The following THSD4 variants were observed in gnomAD, a reference collection of about 807,000 sequenced individuals.
THSD4 encodes thrombospondin type 1 domain containing 4, also known as thrombospondin type-1 domain-containing protein 4.
THSD4 carries 69 observed loss-of-function variants against 119.0 expected under a neutral mutation model. That is an observed-to-expected ratio of 0.58 (90% CI 0.48 to 0.71). THSD4 has a LOEUF of 0.71. Ranked by LOEUF, THSD4 falls within the 30% of genes least tolerant of loss-of-function variation. The pLI, the probability that THSD4 is intolerant of heterozygous loss-of-function variation, is 0.00. For missense variants in THSD4, 1,393 were observed against 1,391.1 expected, an observed-to-expected ratio of 1.00 and a Z score of -0.02; for synonymous variants, 524 against 540.4, an observed-to-expected ratio of 0.97 and a Z score of 0.42.
At chr15:71,542,506 A>G (rs1239831360) in intron 7 of THSD4, among the ~76,000 whole-genome samples, 1 of 152,192 alleles carries the variant, frequency 6.6e-6, no homozygotes, top group Non-Finnish European at 1.5e-5. Context: ...CGAATGTGAT[A>G]AGAAGGGCAT....
chr15:71,336,008 G>A (rs1473607), intron 6 of THSD4, among the ~76,000 whole-genome samples: 34,607 of 152,092 alleles, frequency 0.23, 4,856 homozygotes, highest in African/African-American at 0.4. Context: ...ATGAAAAAAA[G>A]AATCTCAATC....
chr15:71,605,794 A>G (rs1023324742), intron 7 of THSD4, among the ~76,000 whole-genome samples: 5 of 152,230 alleles, frequency 3.3e-5, no homozygotes, highest in African/African-American at 1.2e-4. Context: ...GTAGTATTCA[A>G]TGCCAAGAGG....
chr15:71,678,039 G>T (rs907452066), intron 8 of THSD4, among the ~76,000 whole-genome samples: 1 of 152,154 alleles, frequency 6.6e-6, no homozygotes, highest in African/African-American at 2.4e-5. Context: ...GCTGTTAATC[G>T]CTCCCAGGTC....
chr15:71,424,146 C>T (rs561022133), intron 7 of THSD4, among the ~76,000 whole-genome samples: 1 of 152,120 alleles, frequency 6.6e-6, no homozygotes, highest in Non-Finnish European at 1.5e-5. Context: ...TATGTGATCG[C>T]CCACCTGATT....
intron 1 of THSD4, among the ~76,000 whole-genome samples, chr15:71,124,447 C>T (rs74021934): frequency 0.029 from 4,396 of 152,238 alleles, 222 homozygotes; most frequent in African/African-American, 0.1. Flanking sequence ...TAGACGCTTA[C>T]AATATTTGAA....
intron 17 of THSD4, among the ~76,000 whole-genome samples, chr15:71,772,586 T>G (rs190426231): frequency 1.4e-4 from 21 of 152,168 alleles, no homozygotes; most frequent in African/African-American, 4.6e-4. Flanking sequence ...TTGGAACATA[T>G]TATAAAGCTA....
chr15:71,731,021 C>T (rs2052967266), intron 9 of THSD4, 100 bp from the exon 10 acceptor site: 3 of 1,118,232 alleles, frequency 2.7e-6, no homozygotes, highest in Non-Finnish European at 4.0e-6. Context: ...CTAGAGTGAA[C>T]CAACCCAGTC....
At chr15:71,460,031 C>G (rs150971261) in intron 7 of THSD4, among the ~76,000 whole-genome samples, 167 of 152,272 alleles carry the variant, frequency 1.1e-3, no homozygotes, top group African/African-American at 3.6e-3. Flanking sequence ...TCTGGCCACA[C>G]TAATGTCTAT....
At chr15:71,758,278 A>G (rs1567139071) in intron 15 of THSD4, among the ~76,000 whole-genome samples, 1 of 152,232 alleles carries the variant, frequency 6.6e-6, no homozygotes, top group Non-Finnish European at 1.5e-5. Context: ...CGGTGTGCTC[A>G]TCTAAGTACT....
intron 6 of THSD4, among the ~76,000 whole-genome samples, chr15:71,340,983 T>A (rs942130232): frequency 3.9e-5 from 6 of 152,164 alleles, no homozygotes; most frequent in Non-Finnish European, 8.8e-5. Flanking sequence ...CTACAGTTCC[T>A]GGGGTAGATG....
intron 11 of THSD4, among the ~76,000 whole-genome samples, chr15:71,739,508 C>T (rs1159423433): frequency 6.6e-6 from 1 of 152,118 alleles, no homozygotes; most frequent in East Asian, 1.9e-4. Context: ...AGTTAAGATA[C>T]ATGTGGAATG....
chr15:71,370,152 G>T (rs1377315200), intron 6 of THSD4, among the ~76,000 whole-genome samples: 4 of 151,930 alleles, frequency 2.6e-5, no homozygotes, highest in African/African-American at 9.7e-5. Context: ...TTTTCATTGT[G>T]TCTATTTGAT....
At chr15:71,554,487 C>G (rs367883744) in intron 7 of THSD4, among the ~76,000 whole-genome samples, 2 of 152,166 alleles carry the variant, frequency 1.3e-5, no homozygotes, top group Admixed American at 1.3e-4. Flanking sequence ...CTCCCAGGCT[C>G]AAGTAATCCT....
chr15:71,389,827 T>TTTTTTTTTTTTTTTG (rs56316633), intron 6 of THSD4, among the ~76,000 whole-genome samples: 5 of 142,914 alleles, frequency 3.5e-5, no homozygotes, highest in African/African-American at 1.3e-4. Flanking sequence ...TTTTTTTTTT[T>TTTTTTTTTTTTTTTG]GACACAGAGT....
chr15:71,111,032 C>T (rs1235681506), upstream of THSD4: 12 of 1,196,378 alleles, frequency 1.0e-5, no homozygotes, highest in East Asian at 3.1e-4. Flanking sequence ...GAGAAGCAGC[C>T]TCGGATCCGG....
intron 2 of THSD4, among the ~76,000 whole-genome samples, chr15:71,143,085 G>A (rs187974915): frequency 2.0e-5 from 3 of 152,176 alleles, no homozygotes; most frequent in African/African-American, 4.8e-5. Flanking sequence ...CCAAATACCC[G>A]CAGAGAACTA....
intron 7 of THSD4, among the ~76,000 whole-genome samples, chr15:71,585,863 T>G (rs1364902401): frequency 6.6e-6 from 1 of 152,190 alleles, no homozygotes; most frequent in Non-Finnish European, 1.5e-5. Context: ...CGTGATTGAG[T>G]CTGTTGTTGA....
intron 7 of THSD4, among the ~76,000 whole-genome samples, chr15:71,468,587 T>C (rs1430648759): frequency 4.6e-5 from 7 of 152,214 alleles, no homozygotes; most frequent in African/African-American, 1.7e-4. Context: ...AGAAAAATAA[T>C]ATGTAAATAT....
intron 7 of THSD4, among the ~76,000 whole-genome samples, chr15:71,533,060 TC>T (rs751932710): frequency 6.6e-6 from 1 of 152,234 alleles, no homozygotes; most frequent in Non-Finnish European, 1.5e-5. Flanking sequence ...AATTGAGTCT[TC>T]CCTGGGTTTC....
Sources: allele counts gnomAD v4.1 joint callset (sites outside exome capture counted in the v4.1 genomes callset), GRCh38; gene constraint gnomAD v4.1.1; transcripts MANE v1.5; gene names NCBI Gene and HGNC (gene_info 2026-07-23, HGNC 2026-07-21).